The following PRKN variants were observed in gnomAD, a reference collection of about 807,000 sequenced individuals.
The protein encoded by PRKN is parkin RBR E3 ubiquitin protein ligase.
A neutral mutation model predicts 59.5 loss-of-function variants in PRKN; 56 were observed. That is an observed-to-expected ratio of 0.94 (90% CI 0.76 to 1.18). The LOEUF (loss-of-function observed/expected upper bound fraction) is 1.18. Ranked by LOEUF, PRKN falls within the 50% of genes most tolerant of loss-of-function variation. PRKN has a pLI of 0.00. For synonymous variants in PRKN, 250 were observed against 222.1 expected (o/e 1.13, Z -1.12); for missense variants, 657 against 596.4 (o/e 1.10, Z -1.06).
chr6:162,501,986 A>G (rs1466847600), intron 1 of PRKN, among the ~76,000 whole-genome samples: 1 of 152,206 alleles, frequency 6.6e-6, no homozygotes, highest in Non-Finnish European at 1.5e-5. Context: ...TTATTTTAAT[A>G]GGTCATCTAT....
chr6:162,682,277 A>T (rs1244077790), intron 1 of PRKN, among the ~76,000 whole-genome samples: 1 of 152,078 alleles, frequency 6.6e-6, no homozygotes, highest in Non-Finnish European at 1.5e-5. Flanking sequence ...AAGGAATATA[A>T]ATTGTCCTAC....
At chr6:161,691,546 T>C (rs1225481778) in intron 7 of PRKN, among the ~76,000 whole-genome samples, 2 of 152,246 alleles carry the variant, frequency 1.3e-5, no homozygotes, top group Non-Finnish European at 2.9e-5. Flanking sequence ...ATCTGGAGCC[T>C]GTCTAGGTTA....
chr6:161,770,061 A>G (rs1789599539), intron 7 of PRKN, among the ~76,000 whole-genome samples: 2 of 152,146 alleles, frequency 1.3e-5, no homozygotes, highest in South Asian at 2.1e-4. Context: ...TACAAAGCAC[A>G]GGAAAGTTAG....
chr6:162,599,419 A>G (rs988134005), intron 1 of PRKN, among the ~76,000 whole-genome samples: 2 of 152,206 alleles, frequency 1.3e-5, no homozygotes, highest in Admixed American at 1.3e-4. Flanking sequence ...GAATCTGGGC[A>G]AGAAAAATGT....
At chr6:162,208,541 T>C (rs1583200439) in intron 3 of PRKN, among the ~76,000 whole-genome samples, 1 of 152,346 alleles carries the variant, frequency 6.6e-6, no homozygotes, top group East Asian at 1.9e-4. Context: ...TTTTTTCATT[T>C]TTCATTTTGA....
chr6:162,283,543 G>A (rs903559864), intron 2 of PRKN, among the ~76,000 whole-genome samples: 1 of 152,130 alleles, frequency 6.6e-6, no homozygotes, highest in Non-Finnish European at 1.5e-5. Context: ...AAAATCCTTA[G>A]AACAGTCTTG....
intron 2 of PRKN, among the ~76,000 whole-genome samples, chr6:162,438,060 C>T (rs1304455657): frequency 2.6e-5 from 4 of 152,090 alleles, no homozygotes; most frequent in African/African-American, 9.7e-5. Context: ...GCGAGTAATC[C>T]AATTTCTCCA....
rs1789182877 is a variant in PRKN, at chr6:161,440,939, G to C, written c.1084-54062C>G. Among the ~76,000 whole-genome samples the C allele has an allele frequency of 6.6e-6, 1 of 152,188 alleles. No individual in the cohort carries two copies. Among genetic ancestry groups the C allele is most frequent in the South Asian group, 2.1e-4 (1 of 4,828 alleles). ...AAAATTTAAGACTAAAATGTCAGCT[G>C]AAAGACAAAGAGAAAGATGGGATTG... On this transcript the variant is annotated intron_variant, in intron 9 of 11. Coordinates refer to ENST00000366898, the MANE Select transcript of PRKN (RefSeq NM_004562.3). This position sits in a 1 kb window ranked among gnomAD's most constrained non-coding sequence, Gnocchi z 4.1.
At chr6:161,772,603 TCAAA>T (rs1301183985) in intron 7 of PRKN, among the ~76,000 whole-genome samples, 2 of 152,154 alleles carry the variant, frequency 1.3e-5, no homozygotes, top group East Asian at 1.9e-4. Flanking sequence ...TTACAATTCA[TCAAA>T]CAAATATAAG....
intron 6 of PRKN, among the ~76,000 whole-genome samples, chr6:161,842,175 G>C (rs1210066588): frequency 6.6e-6 from 1 of 152,068 alleles, no homozygotes; most frequent in African/African-American, 2.4e-5. Context: ...ATATAAGAGA[G>C]AAGTGTTTCC....
chr6:162,210,428 C>T (rs546311953), intron 3 of PRKN, among the ~76,000 whole-genome samples: 247 of 152,254 alleles, frequency 1.6e-3, no homozygotes, highest in African/African-American at 5.6e-3. Context: ...GCTCCTCCCA[C>T]GGATTCTTCA....
intron 5 of PRKN, among the ~76,000 whole-genome samples, chr6:162,028,120 A>C (rs2128278247): frequency 6.6e-6 from 1 of 152,022 alleles, no homozygotes; most frequent in East Asian, 1.9e-4. Flanking sequence ...GTACAGCTTC[A>C]ACTGTGCTCT....
chr6:162,322,867 T>C (rs1443402613), intron 2 of PRKN, among the ~76,000 whole-genome samples: 2 of 151,916 alleles, frequency 1.3e-5, no homozygotes, highest in Admixed American at 1.3e-4. Context: ...GTGACACATA[T>C]ATACCATGGA....
At chr6:161,618,793 A>G (rs1782785653) in intron 7 of PRKN, among the ~76,000 whole-genome samples, 1 of 152,234 alleles carries the variant, frequency 6.6e-6, no homozygotes, top group Non-Finnish European at 1.5e-5. Flanking sequence ...CCAAAAGACC[A>G]TCTAGAAGAT....
At chr6:161,880,656 G>A (rs1158000954) in intron 6 of PRKN, among the ~76,000 whole-genome samples, 1 of 152,122 alleles carries the variant, frequency 6.6e-6, no homozygotes, top group African/African-American at 2.4e-5. Flanking sequence ...GCCATGGGAA[G>A]CCAGCTTTTC....
chr6:162,208,054 T>G (rs894107769), intron 3 of PRKN, among the ~76,000 whole-genome samples: 1 of 152,130 alleles, frequency 6.6e-6, no homozygotes, highest in African/African-American at 2.4e-5. Context: ...ACATAAGAAC[T>G]AAAATAAAAA....
chr6:161,836,392 C>T (rs916132758), intron 6 of PRKN, among the ~76,000 whole-genome samples: 2 of 152,168 alleles, frequency 1.3e-5, no homozygotes, highest in African/African-American at 4.8e-5. Context: ...AATTGCCGTA[C>T]ATGATTCAGT....
chr6:162,574,212 CAAAG>C (rs1168809693), intron 1 of PRKN, among the ~76,000 whole-genome samples: 1 of 151,912 alleles, frequency 6.6e-6, no homozygotes, highest in Non-Finnish European at 1.5e-5. Flanking sequence ...CCCAAATCTT[CAAAG>C]AAGGCACATA....
At position 162,557,082 on chromosome 6, in the gene PRKN, C is replaced by T. The variant is rs1489050578; in HGVS notation, c.8-113609G>A. Among the ~76,000 whole-genome samples, 9 of 152,320 alleles carry T rather than the reference C, an allele frequency of 5.9e-5. No individual in the cohort carries two copies. In the East Asian group the frequency reaches 1.3e-3, roughly 23 times the overall value. ...GTTACTACCCATACTCAGGAAACCC[C>T]GATGTTGCCAGCACAGAAGCCAGGA... On this transcript the variant is annotated intron_variant, in intron 1 of 11. Transcript: ENST00000366898.
Sources: allele counts gnomAD v4.1 joint callset (sites outside exome capture counted in the v4.1 genomes callset), GRCh38; gene constraint gnomAD v4.1.1; non-coding constraint Gnocchi (gnomAD v3.1); transcripts MANE v1.5; gene names NCBI Gene and HGNC (gene_info 2026-07-23, HGNC 2026-07-21).